Variants in CASK observed in about 807,000 individuals in gnomAD.
CASK encodes the protein calcium/calmodulin dependent serine protein kinase.
CASK carries 4 observed loss-of-function variants against 82.9 expected under a neutral mutation model. The observed-to-expected ratio is 0.05, with a 90% CI of 0.02 to 0.11. The LOEUF (loss-of-function observed/expected upper bound fraction) is 0.11, where lower values mean the gene tolerates loss of function less well. Ranked by LOEUF, CASK falls within the 10% of genes least tolerant of loss-of-function variation. CASK has a pLI of 1.00. For missense variants in CASK, 358 were observed against 720.9 expected, an observed-to-expected ratio of 0.50 and a Z score of 5.76; for synonymous variants, 259 against 253.5, an observed-to-expected ratio of 1.02 and a Z score of -0.20.
chrX:41,635,607 GAA>G (rs902092957), intron 9 of CASK: 7 of 110,858 alleles, frequency 6.3e-5, no homozygotes, highest in Non-Finnish European at 1.1e-4. Flanking sequence ...TCTCAGTGCT[GAA>G]AAGATTCCAT....
intron 21 of CASK, among the ~76,000 whole-genome samples, chrX:41,551,503 C>T (rs2065096698): frequency 9.0e-6 from 1 of 111,550 alleles, no homozygotes; most frequent in Non-Finnish European, 1.9e-5. Flanking sequence ...TTCTCTGGCA[C>T]AGAAGTGTTC....
chrX:41,914,316 A>G (rs1358267256), intron 1 of CASK, among the ~76,000 whole-genome samples: 1 of 112,624 alleles, frequency 8.9e-6, no homozygotes, highest in African/African-American at 3.2e-5. Context: ...GAAAGAAAGT[A>G]TATTAAAAGA....
At position 41,534,915 on chromosome X, in the gene CASK, C is replaced by T; in HGVS notation, c.2214G>A (p.Lys738=). Residue 738 remains lysine (K), a synonymous_variant, in exon 23 of 27, where the codon AAG becomes AAA. Coordinates refer to ENST00000378163, the MANE Select transcript of CASK (RefSeq NM_001367721.1). ...TACCTAATAAGACTAGTGTTTTCCTCTTGAATGCTGGCAGTTTTACTACTT... is the reference window on the plus strand; with the variant it reads ...TACCTAATAAGACTAGTGTTTTCCTTTTGAATGCTGGCAGTTTTACTACTT... The part of the protein sequence containing the change: ...YEEVVKLPAF[K]RKTLVLLGAH... The T allele has an allele frequency of 8.3e-7, 1 of 1,199,230 alleles. No individual in the cohort carries two copies. The highest frequency in any genetic ancestry group is 1.1e-6 in the Non-Finnish European group (1 of 884,427).
intron 1 of CASK, among the ~76,000 whole-genome samples, chrX:41,880,250 TA>T (rs772009408): frequency 8.9e-6 from 1 of 111,926 alleles, no homozygotes; most frequent in Non-Finnish European, 1.9e-5. Context: ...GGGCTTCTGG[TA>T]ACATTCTAGT....
At chrX:41,556,874 G>C (rs183723320) in intron 19 of CASK, among the ~76,000 whole-genome samples, 158 bp downstream of exon 19, 1 of 111,908 alleles carries the variant, frequency 8.9e-6, no homozygotes, top group Non-Finnish European at 1.9e-5. Flanking sequence ...AGGAAATGTT[G>C]AAAAAGATTT....
chrX:41,741,036 C>T (rs1414291052), intron 4 of CASK, among the ~76,000 whole-genome samples: 2 of 111,046 alleles, frequency 1.8e-5, no homozygotes, highest in African/African-American at 6.6e-5. Flanking sequence ...ATATGCGCCA[C>T]CACGCCTGGC....
intron 1 of CASK, among the ~76,000 whole-genome samples, chrX:41,876,178 A>ATTC (rs2071813468): frequency 9.0e-6 from 1 of 111,435 alleles, no homozygotes; most frequent in Admixed American, 9.5e-5. Context: ...TATTATTATT[A>ATTC]TTACAGCTAT....
At chrX:41,676,511 AGTGGGCTCCCCTCGCGCCGGCAC>A (rs1400628688) in intron 5 of CASK, 97 of 1,182,573 alleles carry the variant, frequency 8.2e-5, no homozygotes, top group Non-Finnish European at 1.1e-4. Flanking sequence ...ATGTTCCCGC[AGTGGGCTCCCCTCGCGCCGGCAC>A]GCGGCCTCGC....
chrX:41,916,689 T>C (rs2072696056), intron 1 of CASK, among the ~76,000 whole-genome samples: 1 of 111,728 alleles, frequency 9.0e-6, no homozygotes, highest in South Asian at 3.7e-4. Context: ...GAGAGAACAA[T>C]CTCCGTATTT....
intron 3 of CASK, among the ~76,000 whole-genome samples, chrX:41,773,561 T>C (rs1461741970): frequency 9.0e-6 from 1 of 110,785 alleles, no homozygotes; most frequent in Non-Finnish European, 1.9e-5. Context: ...TATTTCAATA[T>C]AGTCATGTGT....
At chrX:41,867,786 A>T (rs1293666991) in intron 1 of CASK, among the ~76,000 whole-genome samples, 3 of 112,294 alleles carry the variant, frequency 2.7e-5, no homozygotes, top group Admixed American at 9.4e-5. Flanking sequence ...TTTTCAACCT[A>T]AAGGTTTACA....
At chrX:41,530,935 T>C in intron 25 of CASK, 72 bp downstream of exon 25, 1 of 970,608 alleles carries the variant, frequency 1.0e-6, no homozygotes, top group Non-Finnish European at 1.5e-6. Flanking sequence ...TCTGATGGCA[T>C]TTTTGATTTC....
At position 41,838,016 on chromosome X, in the gene CASK, A is replaced by G. The variant is rs759686685; in HGVS notation, c.172+15099T>C. ...CCTTGCCAGAATATGGTATTGTCAT[A>G]TTGTTACTTATTTTTTTTAAGAGAC... On this transcript the variant is annotated intron_variant, in intron 2 of 26. Transcript: ENST00000378163. Among the ~76,000 whole-genome samples the G allele has an allele frequency of 8.2e-3, 895 of 108,840 alleles. 2 individuals carry two copies. Among genetic ancestry groups the G allele is most frequent in the Non-Finnish European group, 0.011 (558 of 51,755 alleles). The allele number at this position is 108,840 out of a possible 115,157, so 94.5% of individuals were successfully genotyped here.
chrX:41,916,310 C>CT (rs2072686027), intron 1 of CASK, among the ~76,000 whole-genome samples: 1 of 112,363 alleles, frequency 8.9e-6, no homozygotes, highest in Admixed American at 9.4e-5. Flanking sequence ...TCAAAACAAA[C>CT]TAGCTTCGGA....
chrX:41,706,991 C>T lies in CASK; in HGVS notation c.429+32393G>A, dbSNP rs2067897286. On this transcript the variant is annotated intron_variant, in intron 5 of 26. Coordinates refer to ENST00000378163, the MANE Select transcript of CASK (RefSeq NM_001367721.1). ...CTGAGATACACATACTATAGTAATC[C>T]CTAAAGAAAGAGCCAATTCACTGCA... Among the ~76,000 whole-genome samples the T allele has an allele frequency of 2.7e-5, 3 of 111,685 alleles. No homozygotes were observed. The South Asian group carries it at 1.1e-3, about 41-fold the overall frequency.
At chrX:41,627,005 T>C (rs183959803) in intron 9 of CASK, among the ~76,000 whole-genome samples, 27 of 111,904 alleles carry the variant, frequency 2.4e-4, no homozygotes, top group African/African-American at 7.8e-4. Context: ...TAGAAGGGTG[T>C]TTAGTGGAAT....
At chrX:41,650,214 A>C in intron 8 of CASK, among the ~76,000 whole-genome samples, 1 of 111,409 alleles carries the variant, frequency 9.0e-6, no homozygotes, top group Non-Finnish European at 1.9e-5. Flanking sequence ...CCAATTTGCC[A>C]GTCTGTGTTT....
rs748969836 is a variant in CASK, at chrX:41,649,002, A to G, written c.831+11437T>C. ...TCTTGGGAGGGTGTATGTGTCCAGG[A>G]ATTTATCCATTTCTTCTAGATTTTC... is the stretch of plus-strand genomic sequence containing the variant. On this transcript the variant is annotated intron_variant, in intron 8 of 26. Coordinates refer to ENST00000378163, the MANE Select transcript of CASK (RefSeq NM_001367721.1). Among the ~76,000 whole-genome samples the G allele has an allele frequency of 7.5e-4, 84 of 111,431 alleles. No homozygotes were observed. In the Middle Eastern group the frequency reaches 0.014, roughly 18 times the overall value.
At chrX:41,615,309 CT>C (rs754785691) in intron 11 of CASK, among the ~76,000 whole-genome samples, 140 of 111,248 alleles carry the variant, frequency 1.3e-3, no homozygotes, top group East Asian at 1.7e-3. Context: ...GTGCCCCCCC[CT>C]CCATCAAAAA....
Sources: allele counts gnomAD v4.1 joint callset (sites outside exome capture counted in the v4.1 genomes callset), GRCh38; gene constraint gnomAD v4.1.1; transcripts MANE v1.5; gene names NCBI Gene and HGNC (gene_info 2026-07-23, HGNC 2026-07-21).